The following KHDRBS2 variants were observed in gnomAD, a reference collection of about 807,000 sequenced individuals.
The protein encoded by KHDRBS2 is KH RNA binding domain containing, signal transduction associated 2, also known as KH domain-containing, RNA-binding, signal transduction-associated protein 2.
KHDRBS2 carries 26 observed loss-of-function variants against 44.3 expected under a neutral mutation model. The observed-to-expected ratio is 0.59, with a 90% confidence interval of 0.43 to 0.81. The LOEUF is 0.81. Among genes scored for constraint, KHDRBS2 ranks in the 40% least tolerant of loss-of-function variants. KHDRBS2 has a pLI of 0.00. For synonymous variants in KHDRBS2, 194 were observed against 151.1 expected, an observed-to-expected ratio of 1.28 and a Z score of -2.08; for missense variants, 476 against 433.1, an observed-to-expected ratio of 1.10 and a Z score of -0.88.
intron 6 of KHDRBS2, among the ~76,000 whole-genome samples, chr6:61,886,577 G>T (rs899776650): frequency 6.6e-6 from 1 of 151,982 alleles, no homozygotes; most frequent in Non-Finnish European, 1.5e-5. Context: ...GTTTATATAT[G>T]TGTTCGTGTG....
chr6:62,029,196 T>C (rs1783906038), intron 3 of KHDRBS2, among the ~76,000 whole-genome samples: 1 of 151,974 alleles, frequency 6.6e-6, no homozygotes, highest in East Asian at 1.9e-4. Context: ...ACTTTAACAA[T>C]GTTAAATTAA....
Position 61,955,484 on chromosome 6 carries a change from A to G in KHDRBS2, c.483+22582T>C, listed in dbSNP as rs766737789. ...CATATGTGTATATATACACATATGTATGTATGTATACATGTGTATATATAC... is the reference window on the plus strand; with the variant it reads ...CATATGTGTATATATACACATATGTGTGTATGTATACATGTGTATATATAC... On this transcript the variant is annotated intron_variant, in intron 4 of 8. Transcript: ENST00000281156. Among the ~76,000 whole-genome samples, 144 of 63,202 alleles carry G rather than the reference A, an allele frequency of 2.3e-3. 11 individuals are homozygous for G. The highest frequency in any genetic ancestry group is 4.8e-3 in the South Asian group (8 of 1,650). 41.5% of individuals were successfully genotyped at this position (63,202 alleles called of 152,430 possible). A position where few individuals can be genotyped will look rare whatever the true frequency, so the allele number is the denominator to read the frequency against.
At chr6:62,016,367 T>C (rs1781205864) in intron 3 of KHDRBS2, among the ~76,000 whole-genome samples, 2 of 151,992 alleles carry the variant, frequency 1.3e-5, no homozygotes, top group Non-Finnish European at 2.9e-5. Flanking sequence ...ACATTCAGTA[T>C]ATAAATGACT....
intron 8 of KHDRBS2, among the ~76,000 whole-genome samples, chr6:61,696,677 A>G (rs1350392479): frequency 6.6e-6 from 1 of 152,172 alleles, no homozygotes; most frequent in Non-Finnish European, 1.5e-5. Context: ...GTGGCATTTT[A>G]ATTAAGGAAT....
chr6:61,798,820 C>T (rs781154694), intron 6 of KHDRBS2, among the ~76,000 whole-genome samples: 1 of 151,684 alleles, frequency 6.6e-6, no homozygotes, highest in Non-Finnish European at 1.5e-5. Context: ...GTCATACATA[C>T]CTTTATTATA....
intron 2 of KHDRBS2, among the ~76,000 whole-genome samples, chr6:62,115,234 A>G (rs2150078048): frequency 6.6e-6 from 1 of 152,262 alleles, no homozygotes; most frequent in East Asian, 1.9e-4. Flanking sequence ...ATTAAGTTTT[A>G]TAGTAACAGT....
intron 3 of KHDRBS2, among the ~76,000 whole-genome samples, chr6:62,047,182 G>T (rs537879732): frequency 8.6e-5 from 13 of 151,818 alleles, no homozygotes; most frequent in Non-Finnish European, 1.8e-4. Flanking sequence ...CCCGCCTTTC[G>T]CAGTGAATCC....
At chr6:61,980,724 A>C (rs905895006) in intron 3 of KHDRBS2, among the ~76,000 whole-genome samples, 12 of 151,996 alleles carry the variant, frequency 7.9e-5, no homozygotes, top group Non-Finnish European at 1.8e-4. Flanking sequence ...ACCTCAGCTA[A>C]ACTTCTTAAC....
intron 1 of KHDRBS2, among the ~76,000 whole-genome samples, chr6:62,283,343 A>C (rs1842056750): frequency 6.6e-6 from 1 of 152,112 alleles, no homozygotes; most frequent in South Asian, 2.1e-4. Context: ...ACAGCCTTCA[A>C]TTCTACATGA....
the KHDRBS2 span, among the ~76,000 whole-genome samples, chr6:61,627,612 T>A: frequency 6.6e-6 from 1 of 152,210 alleles, no homozygotes; most frequent in African/African-American, 2.4e-5. Context: ...CATGCCTATA[T>A]AATGAAGCCC....
chr6:62,105,360 C>G (rs1653328726), intron 2 of KHDRBS2, among the ~76,000 whole-genome samples: 1 of 152,102 alleles, frequency 6.6e-6, no homozygotes, highest in African/African-American at 2.4e-5. Context: ...CATTTCTAAA[C>G]AAAATTTTAG....
intron 1 of KHDRBS2, among the ~76,000 whole-genome samples, chr6:62,191,403 G>A (rs1017727285): frequency 1.3e-5 from 2 of 152,014 alleles, no homozygotes; most frequent in Non-Finnish European, 2.9e-5. Context: ...CTTTAAGGCA[G>A]GCCCAGTTTT....
intron 3 of KHDRBS2, among the ~76,000 whole-genome samples, chr6:61,986,533 A>C (rs2127239315): frequency 6.6e-6 from 1 of 152,340 alleles, no homozygotes; most frequent in Non-Finnish European, 1.5e-5. Context: ...ATTATTCTAA[A>C]CCAAAAAGCT....
At chr6:62,074,269 G>A (rs890238986) in intron 2 of KHDRBS2, among the ~76,000 whole-genome samples, 63 of 151,792 alleles carry the variant, frequency 4.2e-4, no homozygotes, top group African/African-American at 1.4e-3. Flanking sequence ...GATAATAAAT[G>A]TGTGCTGTGT....
At chr6:62,164,630 C>T (rs1031398981) in intron 2 of KHDRBS2, among the ~76,000 whole-genome samples, 1 of 151,820 alleles carries the variant, frequency 6.6e-6, no homozygotes, top group African/African-American at 2.4e-5. Context: ...TCAAGGGGAA[C>T]AAACTCATTT....
chr6:61,967,824 C>A (rs1319327641), intron 4 of KHDRBS2, among the ~76,000 whole-genome samples: 1 of 147,898 alleles, frequency 6.8e-6, no homozygotes, highest in Non-Finnish European at 1.5e-5. Flanking sequence ...CTCTCTCTGG[C>A]CTTTTCTCTC....
chr6:62,146,992 CA>C (rs1814082515), intron 2 of KHDRBS2, among the ~76,000 whole-genome samples: 1 of 151,920 alleles, frequency 6.6e-6, no homozygotes, highest in African/African-American at 2.4e-5. Flanking sequence ...ATGCCCCCAG[CA>C]GTTATATTTA....
chr6:61,766,952 T>C (rs1780101343), intron 6 of KHDRBS2, among the ~76,000 whole-genome samples: 1 of 152,132 alleles, frequency 6.6e-6, no homozygotes, highest in Non-Finnish European at 1.5e-5. Flanking sequence ...AAATGTTCTG[T>C]AAATACCTAT....
chr6:62,238,687 TACAC>T (rs5876788), intron 1 of KHDRBS2, among the ~76,000 whole-genome samples: 7,614 of 141,640 alleles, frequency 0.054, 217 homozygotes, highest in Non-Finnish European at 0.056. Flanking sequence ...AAGTTTTATA[TACAC>T]ACACACACAC....
Sources: gnomAD v4.1 joint callset for allele counts (sites outside exome capture counted in the v4.1 genomes callset) on GRCh38, gnomAD v4.1.1 for gene constraint, MANE v1.5 for transcripts, NCBI Gene and HGNC (gene_info 2026-07-23, HGNC 2026-07-21) for gene names.